NKAP: variants seen among roughly 807,000 people sequenced by gnomAD.
NKAP encodes the protein NFKB activating protein.
NKAP carries 4 observed loss-of-function variants against 35.6 expected under a neutral mutation model. That is an observed-to-expected ratio of 0.11 (90% CI 0.06 to 0.26). The LOEUF is 0.26. Ranked by LOEUF, NKAP falls within the 10% of genes least tolerant of loss-of-function variation. The pLI is 1.00. For missense variants in NKAP, 238 were observed against 321.9 expected, an observed-to-expected ratio of 0.74 and a Z score of 1.99; for synonymous variants, 106 against 119.2, an observed-to-expected ratio of 0.89 and a Z score of 0.72.
At position 119,921,666 on chromosome X, in the gene NKAP, T is replaced by C. The variant is rs1304596147; in HGVS notation, c.*3554A>G. ...TGAAAATAAAATACTTTTAGCCCTTTTATTCTTCTTGCCTCTTTCCCAAAG... is the reference window on the plus strand; with the variant it reads ...TGAAAATAAAATACTTTTAGCCCTTCTATTCTTCTTGCCTCTTTCCCAAAG... On this transcript the variant is annotated 3_prime_UTR_variant, in exon 9 of 9. Coordinates refer to ENST00000371410, the MANE Select transcript of NKAP (RefSeq NM_024528.4). The C allele has an allele frequency of 9.1e-6, 1 of 110,205 alleles. No individual in the cohort carries two copies. The highest frequency in any genetic ancestry group is 1.0e-4 in the Admixed American group (1 of 9,975). The allele number at this position is 110,205 out of a possible 1,213,427, so 9.1% of individuals were successfully genotyped here. A position where few individuals can be genotyped will look rare whatever the true frequency, so the allele number is the denominator to read the frequency against.
intron 1 of NKAP, among the ~76,000 whole-genome samples, chrX:119,942,269 T>C (rs984151093): frequency 5.4e-5 from 6 of 110,284 alleles, no homozygotes; most frequent in African/African-American, 2.0e-4. Flanking sequence ...GCCCAGAAAT[T>C]CGATACCAGC....
intron 1 of NKAP, among the ~76,000 whole-genome samples, chrX:119,940,766 T>C (rs887148110): frequency 2.7e-5 from 3 of 112,078 alleles, no homozygotes; most frequent in African/African-American, 9.7e-5. Flanking sequence ...AGGTAACATA[T>C]TTATAGCTGT....
Position 119,923,962 on chromosome X carries a change from AC to A in NKAP, c.*1257del, listed in dbSNP as rs2056697965. 1.1e-5 allele frequency: 1 copy of A among 88,037 alleles called. No individual in the cohort carries two copies. The highest frequency in any genetic ancestry group is 2.1e-5 in the Non-Finnish European group (1 of 47,742). The allele number at this position is 88,037 out of a possible 1,213,427, so 7.3% of individuals were successfully genotyped here. A position where few individuals can be genotyped will look rare whatever the true frequency, so the allele number is the denominator to read the frequency against. ...AGAGCGAGATTCCATCTCAAAAAAA[AC>A]AATTTAAAATATCTAATGTTCACAT... On this transcript the variant is annotated 3_prime_UTR_variant, in exon 9 of 9. Coordinates refer to ENST00000371410, the MANE Select transcript of NKAP (RefSeq NM_024528.4).
chrX:119,937,166 C>T, intron 2 of NKAP: 1 of 112,425 alleles, frequency 8.9e-6, no homozygotes, highest in Non-Finnish European at 1.9e-5. Flanking sequence ...AAAAACCTAA[C>T]AAACTACAGT....
In NKAP at chrX:119,928,743, TAA is replaced by T. The variant is rs2056727164; in HGVS notation, c.1073+1271_1073+1272del. ...GCCCAGCTAATTTTTGTATTTTTGG[TAA>T]AGACAGGGTTTCACCATGTTGGCCA... On this transcript the variant is annotated intron_variant, in intron 8 of 8. Transcript: ENST00000371410. Among the ~76,000 whole-genome samples, 4 of 110,903 alleles carry T rather than the reference TAA, an allele frequency of 3.6e-5. 1 individual carries two copies. The South Asian group carries it at 1.5e-3, about 42-fold the overall frequency.
intron 1 of NKAP, among the ~76,000 whole-genome samples, 194 bp from the exon 2 acceptor site, chrX:119,939,004 G>A (rs2056779807): frequency 1.8e-5 from 2 of 112,292 alleles, no homozygotes; most frequent in South Asian, 3.7e-4. Flanking sequence ...ACAGACTATA[G>A]AAATGATGGC....
chrX:119,936,467 A>T (rs371135504), intron 3 of NKAP, 36 bp from the exon 4 acceptor site: 7 of 1,058,471 alleles, frequency 6.6e-6, no homozygotes, highest in Non-Finnish European at 8.9e-6. Flanking sequence ...ATATTCTAAA[A>T]AACTATTTCT....
At chrX:119,937,607 C>CAAAAAAAA (rs34687968) in intron 2 of NKAP, 2 of 51,269 alleles carry the variant, frequency 3.9e-5, no homozygotes, top group African/African-American at 7.8e-5. Context: ...GACTCTGTCT[C>CAAAAAAAA]AAAAAAAAAA....
In NKAP at chrX:119,938,827, T is replaced by C; in HGVS notation, c.387-17A>G. 1 of 1,116,590 alleles carries C rather than the reference T, an allele frequency of 9.0e-7. No individual in the cohort carries two copies. Among genetic ancestry groups the C allele is most frequent in the Non-Finnish European group, 1.2e-6 (1 of 819,697 alleles). 92.0% of individuals were successfully genotyped at this position (1,116,590 alleles called of 1,213,427 possible). The stretch of plus-strand genomic sequence containing the variant: ...CTTAATCTCCTAGCAGATAAAGACA[T>C]GTAAATTATAACTCAATGGCTGAGT... On this transcript the variant is annotated splice_polypyrimidine_tract_variant and intron_variant, in intron 1 of 8. Transcript: ENST00000371410.
chrX:119,943,029 G>T (rs1035852914), intron 1 of NKAP, 191 bp downstream of exon 1: 5 of 493,911 alleles, frequency 1.0e-5, no homozygotes, highest in African/African-American at 4.8e-5. Flanking sequence ...CTATATGAAG[G>T]GGCCTGAGGG....
At chrX:119,935,167 G>GAGTCTCAAAATC (rs2056760945) in intron 4 of NKAP, among the ~76,000 whole-genome samples, 1 of 111,148 alleles carries the variant, frequency 9.0e-6, no homozygotes, top group Non-Finnish European at 1.9e-5. Context: ...ACACACAGAG[G>GAGTCTCAAAATC]AGTCTCAAAA....
intron 7 of NKAP, 75 bp downstream of exon 7, chrX:119,931,861 A>T: frequency 1.3e-6 from 1 of 779,151 alleles, no homozygotes; most frequent in Non-Finnish European, 1.9e-6. Context: ...ATAGAGTCAG[A>T]TAAGCTTGGC....
chrX:119,934,578 C>T, intron 4 of NKAP, 21 bp from the exon 5 acceptor site: 2 of 1,110,256 alleles, frequency 1.8e-6, no homozygotes, highest in Non-Finnish European at 2.4e-6. Context: ...AAGCACATTA[C>T]AATTAAGAAA....
intron 4 of NKAP, among the ~76,000 whole-genome samples, chrX:119,935,927 G>C (rs2056764028): frequency 8.9e-6 from 1 of 111,902 alleles, no homozygotes; most frequent in Non-Finnish European, 1.9e-5. Context: ...AGCCCTGTAA[G>C]GCTTACTTTG....
chrX:119,926,509 C>T (rs977160880), intron 8 of NKAP, among the ~76,000 whole-genome samples: 1 of 109,654 alleles, frequency 9.1e-6, no homozygotes, highest in Non-Finnish European at 1.9e-5. Context: ...TCAGGTGATC[C>T]ACCTGCCTTG....
chrX:119,929,294 T>G (rs1381149039), intron 8 of NKAP, among the ~76,000 whole-genome samples: 2 of 111,987 alleles, frequency 1.8e-5, no homozygotes, highest in African/African-American at 3.2e-5. Flanking sequence ...TATTACAAGA[T>G]TCTGGAGGTG....
chrX:119,929,095 C>T (rs1324562053), intron 8 of NKAP, among the ~76,000 whole-genome samples: 1 of 110,697 alleles, frequency 9.0e-6, no homozygotes, highest in African/African-American at 3.3e-5. Context: ...AGGGTTTCGC[C>T]ATGTTGCCCA....
chrX:119,935,594 G>A (rs993382881), intron 4 of NKAP, among the ~76,000 whole-genome samples: 1 of 111,477 alleles, frequency 9.0e-6, no homozygotes, highest in African/African-American at 3.3e-5. Context: ...TTTAAGTGTT[G>A]CATACAGAAA....
Position 119,932,219 on chromosome X carries a change from A to G in NKAP, c.738-3T>C. 8.9e-7 allele frequency: 1 copy of G among 1,129,681 alleles called. No individual in the cohort carries two copies. The highest frequency in any genetic ancestry group is 2.5e-5 in the Admixed American group (1 of 39,458). 93.1% of individuals were successfully genotyped at this position (1,129,681 alleles called of 1,213,427 possible). ...ACCTCTTTTTCTTATATTTCTTCCT[A>G]TAGGGATTTTAATTTGATACAAATT... On this transcript the variant is annotated splice_polypyrimidine_tract_variant and splice_region_variant and intron_variant, in intron 5 of 8. Transcript: ENST00000371410.
Sources: allele counts gnomAD v4.1 joint callset (sites outside exome capture counted in the v4.1 genomes callset), GRCh38; gene constraint gnomAD v4.1.1; transcripts MANE v1.5; gene names NCBI Gene and HGNC (gene_info 2026-07-23, HGNC 2026-07-21).